Variants in RTN1 observed in about 807,000 individuals in gnomAD.
RTN1 encodes reticulon-1.
RTN1 carries 25 observed loss-of-function variants against 65.5 expected under a neutral mutation model. The ratio of observed to expected loss-of-function variants is 0.38; its 90% CI spans 0.28 to 0.53. RTN1 has a LOEUF of 0.53. RTN1 is among the 20% of genes least tolerant of loss of function. The probability of loss-of-function intolerance (pLI) is 0.79; values close to 1 mark genes in which losing one functional copy is unlikely to be tolerated. For missense variants in RTN1, 983 were observed against 1,025.4 expected, an observed-to-expected ratio of 0.96 and a Z score of 0.57; for synonymous variants, 471 against 447.6, an observed-to-expected ratio of 1.05 and a Z score of -0.66.
chr14:59,716,542 G>A (rs1004779672), intron 3 of RTN1, among the ~76,000 whole-genome samples: 4 of 152,114 alleles, frequency 2.6e-5, no homozygotes, highest in African/African-American at 4.8e-5. Flanking sequence ...AGGAAAATTC[G>A]GAGGGTAATT....
intron 3 of RTN1, among the ~76,000 whole-genome samples, chr14:59,723,509 C>T (rs1383069953): frequency 5.3e-5 from 8 of 151,622 alleles, no homozygotes; most frequent in South Asian, 4.2e-4. Flanking sequence ...CCCAGCTACT[C>T]GGGAGGCTGA....
At chr14:59,729,872 T>C (rs967788207) in intron 2 of RTN1, among the ~76,000 whole-genome samples, 5 of 152,326 alleles carry the variant, frequency 3.3e-5, no homozygotes, top group Admixed American at 2.6e-4. Flanking sequence ...CTGGTTGTTT[T>C]TAGCCAATAG....
chr14:59,777,608 G>GCCCTGAATCCCAGCCCCTTTGC (rs1353984739), intron 1 of RTN1, among the ~76,000 whole-genome samples: 5 of 151,996 alleles, frequency 3.3e-5, no homozygotes, highest in African/African-American at 1.2e-4. Context: ...TTAATGCTGG[G>GCCCTGAATCCCAGCCCCTTTGC]CCCTGAATCC....
Position 59,745,894 on chromosome 14 carries a change from T to A in RTN1, c.829A>T (p.Ile277Phe), listed in dbSNP as rs1885208477. The A allele has an allele frequency of 1.2e-6, 2 of 1,614,140 alleles. No homozygotes were observed. The highest frequency in any genetic ancestry group is 1.7e-6 in the Non-Finnish European group (2 of 1,180,014). Residue 277 changes from isoleucine to phenylalanine, a missense_variant, in exon 2 of 9, where the codon ATC becomes TTC. Around this residue, in one of 2 missense-constraint regions of RTN1, gnomAD observed 818 missense variants for 801.8 expected, o/e 1.02. Transcript: ENST00000267484. ...LSEEQRRAPQ[I>F]TTPVKITLTE... is the part of the protein sequence containing the mutation. ...AGTGTGATTTTGACAGGGGTGGTGA[T>A]CTGAGGAGCCCTGCGCTGTTCTTCA...
At chr14:59,778,764 G>A (rs879633896) in intron 1 of RTN1, among the ~76,000 whole-genome samples, 6 of 152,154 alleles carry the variant, frequency 3.9e-5, no homozygotes, top group Admixed American at 6.6e-5. Context: ...GGGAATTAGG[G>A]TGGAAGAAAC....
Position 59,816,216 on chromosome 14 carries a change from C to T in RTN1, c.241+54174G>A, listed in dbSNP as rs542818067. 1.4e-4 allele frequency among the ~76,000 whole-genome samples: 22 copies of T among 151,906 alleles called. No individual in the cohort carries two copies. Among genetic ancestry groups the T allele is most frequent in the East Asian group, 9.7e-4 (5 of 5,168 alleles). On this transcript the variant is annotated intron_variant, in intron 1 of 8. Transcript: ENST00000267484. This position sits in a 1 kb window ranked among gnomAD's most constrained non-coding sequence, Gnocchi z 4.3. ...ATGCACACACACACACACAAGCTTG[C>T]GTGCGTGCACACACACAGACACACA...
intron 1 of RTN1, among the ~76,000 whole-genome samples, chr14:59,848,307 C>T (rs1887444466): frequency 6.6e-6 from 1 of 152,200 alleles, no homozygotes. Context: ...TTAATCTCAG[C>T]ACAAACTACT....
intron 1 of RTN1, among the ~76,000 whole-genome samples, chr14:59,830,114 G>A (rs959342045): frequency 6.6e-6 from 1 of 152,168 alleles, no homozygotes; most frequent in South Asian, 2.1e-4. Flanking sequence ...TCTCCCCATT[G>A]TTTAGCCCTC....
rs1433192410 is a variant in RTN1 at position 59,784,768 on chromosome 14, GTAGTTAAGTA to G, written c.242-38297_242-38288del. Among the ~76,000 whole-genome samples the G allele has an allele frequency of 1.2e-4, 18 of 152,190 alleles. 1 individual carries two copies. The highest frequency in any genetic ancestry group is 8.5e-4 in the Admixed American group (13 of 15,292). On this transcript the variant is annotated intron_variant, in intron 1 of 8. Coordinates refer to ENST00000267484, the MANE Select transcript of RTN1 (RefSeq NM_021136.3). ...CATGTGCAAATTCATATTTTATGTT[GTAGTTAAGTA>G]TAATAACTCTTGGTAGCTGAGGAGT...
chr14:59,688,476 T>C (rs1056542552), intron 3 of RTN1, among the ~76,000 whole-genome samples: 2 of 152,180 alleles, frequency 1.3e-5, no homozygotes, highest in Non-Finnish European at 2.9e-5. Flanking sequence ...ATTTGCCACC[T>C]GTCCCACCCC....
chr14:59,621,860 A>G (rs1271211427), intron 3 of RTN1, among the ~76,000 whole-genome samples: 1 of 152,010 alleles, frequency 6.6e-6, no homozygotes, highest in Non-Finnish European at 1.5e-5. Context: ...AGCTATTTAT[A>G]TTTTATTTAT....
chr14:59,785,495 C>T lies in RTN1; in HGVS notation c.242-39014G>A, dbSNP rs574452006. ...CTGGTACTTTGTCTCTACCTAAATA[C>T]ATTTGTTTCTTTCCCATCTGTTTGG... On this transcript the variant is annotated intron_variant, in intron 1 of 8. Coordinates refer to ENST00000267484, the MANE Select transcript of RTN1 (RefSeq NM_021136.3). Among the ~76,000 whole-genome samples, 22 of 152,264 alleles carry T rather than the reference C, an allele frequency of 1.4e-4. No individual in the cohort carries two copies. The South Asian group carries it at 3.9e-3, about 27-fold the overall frequency.
chr14:59,613,725 C>A (rs537922718), intron 3 of RTN1, among the ~76,000 whole-genome samples: 2 of 151,890 alleles, frequency 1.3e-5, no homozygotes, highest in Admixed American at 6.6e-5. Context: ...TCTTAAAGCA[C>A]TCATGAGAGG....
chr14:59,739,629 G>A (rs867502759), intron 2 of RTN1, among the ~76,000 whole-genome samples: 20 of 152,116 alleles, frequency 1.3e-4, no homozygotes, highest in African/African-American at 4.6e-4. Context: ...GACAACTGGA[G>A]GTAGGGTGTG....
In RTN1 at chr14:59,829,913, T is replaced by C. The variant is rs1430585266; in HGVS notation, c.241+40477A>G. ...ATATTTCTCAAATAGCATTCATGAA[T>C]ATTGTACCCAAGGACACAAACTGTA... is the stretch of plus-strand genomic sequence containing the variant. On this transcript the variant is annotated intron_variant, in intron 1 of 8. Coordinates refer to ENST00000267484, the MANE Select transcript of RTN1 (RefSeq NM_021136.3). The surrounding 1 kb of genome is among the most constrained non-coding windows in gnomAD (Gnocchi z 4.3). Among the ~76,000 whole-genome samples, 1 of 152,178 alleles carries C rather than the reference T, an allele frequency of 6.6e-6. No individual in the cohort carries two copies. The highest frequency in any genetic ancestry group is 1.5e-5 in the Non-Finnish European group (1 of 68,038).
chr14:59,643,253 A>T (rs1882816026), intron 3 of RTN1, among the ~76,000 whole-genome samples: 1 of 150,762 alleles, frequency 6.6e-6, no homozygotes, highest in African/African-American at 2.4e-5. Context: ...TACAAAAAAT[A>T]AAAAAAAAAT....
chr14:59,621,681 G>A (rs981004915), intron 3 of RTN1, among the ~76,000 whole-genome samples: 5 of 152,206 alleles, frequency 3.3e-5, no homozygotes, highest in African/African-American at 4.8e-5. Context: ...TGAATTAATA[G>A]CTAAGTGGAA....
At chr14:59,622,138 C>A (rs1882271564) in intron 3 of RTN1, among the ~76,000 whole-genome samples, 1 of 152,098 alleles carries the variant, frequency 6.6e-6, no homozygotes, top group Non-Finnish European at 1.5e-5. Context: ...GAGTTTGAGA[C>A]CAGCCTGGCC....
chr14:59,736,009 CA>C (rs1388596336), intron 2 of RTN1, among the ~76,000 whole-genome samples: 2 of 152,122 alleles, frequency 1.3e-5, no homozygotes, highest in Non-Finnish European at 2.9e-5. Context: ...AAAGAGACAA[CA>C]TACCAAAATC....
Sources: gnomAD v4.1 joint callset for allele counts (sites outside exome capture counted in the v4.1 genomes callset) on GRCh38, gnomAD v4.1.1 for gene constraint, gnomAD v4.1.1 regional missense constraint, Gnocchi (gnomAD v3.1) non-coding constraint, MANE v1.5 for transcripts, NCBI Gene and HGNC (gene_info 2026-07-23, HGNC 2026-07-21) for gene names.